The following CD81 variants were observed in gnomAD, a reference collection of about 807,000 sequenced individuals.
The protein encoded by CD81 is CD81 molecule.
A neutral mutation model predicts 30.1 loss-of-function variants in CD81; 10 were observed. The observed-to-expected ratio is 0.33, with a 90% CI of 0.21 to 0.56. The LOEUF (loss-of-function observed/expected upper bound fraction) is 0.56. Among genes scored for constraint, CD81 ranks in the 20% least tolerant of loss-of-function variants. The pLI, the probability that CD81 is intolerant of heterozygous loss-of-function variation, is 0.89. For missense variants in CD81, 263 were observed against 308.7 expected, an observed-to-expected ratio of 0.85 and a Z score of 1.11; for synonymous variants, 147 against 126.4, an observed-to-expected ratio of 1.16 and a Z score of -1.10.
intron 1 of CD81, chr11:2,385,935 G>T (rs1043220214): frequency 8.0e-5 from 54 of 675,898 alleles, no homozygotes; most frequent in Non-Finnish European, 1.4e-4. Flanking sequence ...GAGCAGCTGG[G>T]TCATGTGGTG....
intron 1 of CD81, chr11:2,379,030 G>T (rs1849652778): frequency 2.4e-6 from 1 of 408,886 alleles, no homozygotes; most frequent in Non-Finnish European, 5.1e-6. Context: ...GTGGCCTTCG[G>T]CACTGCCCTG....
exon 8 of CD81, chr11:2,397,396 T>TACCA (rs1418636325): frequency 5.1e-6 from 1 of 197,672 alleles, no homozygotes; most frequent in Non-Finnish European, 1.1e-5. Flanking sequence ...TCAGGCATGC[T>TACCA]ACCAGGCCTG....
chr11:2,394,857 C>A, intron 3 of CD81, 115 bp from the exon 4 acceptor site: 1 of 926,330 alleles, frequency 1.1e-6, no homozygotes. Context: ...AGGTCGTGGG[C>A]TGGTGGCTCC....
At chr11:2,376,267 G>A (rs971982278), upstream of CD81, 1 of 152,252 alleles carries the variant, frequency 6.6e-6, no homozygotes, top group Admixed American at 6.5e-5. Flanking sequence ...GTTGCAGAAG[G>A]TTCTATCAGC....
At position 2,377,796 on chromosome 11, in the gene CD81, G is replaced by A. The variant is rs1429499716; in HGVS notation, c.66+181G>A. 2 of 288,802 alleles carry A rather than the reference G, an allele frequency of 6.9e-6. No homozygotes were observed. The highest frequency in any genetic ancestry group is 1.1e-4 in the Admixed American group (2 of 17,770). The allele number at this position is 288,802 out of a possible 1,614,324, so 17.9% of individuals were successfully genotyped here. A position where few individuals can be genotyped will look rare whatever the true frequency, so the allele number is the denominator to read the frequency against. ...GGGGCCACCGCGCCCCCCGACATTG[G>A]GGCTGAGGGCTGCGAGCCGAGTTTC... On this transcript the variant is annotated intron_variant, in intron 1 of 7. Transcript: ENST00000263645. The surrounding 1 kb of genome is among the most constrained non-coding windows in gnomAD (Gnocchi z 7.7).
In CD81 at chr11:2,395,481, C is replaced by G; in HGVS notation, c.420C>G (p.Ala140=). 6.2e-7 allele frequency: 1 copy of G among 1,612,634 alleles called. No individual in the cohort carries two copies. Among genetic ancestry groups the G allele is most frequent in the Non-Finnish European group, 8.5e-7 (1 of 1,179,922 alleles). The change falls in exon 5 of 8, where the codon GCC becomes GCG. Residue 140 remains alanine, a synonymous_variant. Transcript: ENST00000263645. The stretch of plus-strand genomic sequence containing the variant: ...AGCAGGCCGTGGTGGATGATGACGC[C>G]AACAACGCCAAGGCTGTGGTGAAGA... ...ALQQAVVDDD[A]NNAKAVVKTF...
chr11:2,386,290 G>C (rs1277709982), intron 1 of CD81: 1 of 655,224 alleles, frequency 1.5e-6, no homozygotes, highest in Admixed American at 2.2e-5. Flanking sequence ...CTCTGCATAC[G>C]TTCAGGGCAC....
upstream of CD81, chr11:2,376,254 A>G (rs145114308): frequency 4.6e-5 from 7 of 152,300 alleles, no homozygotes; most frequent in African/African-American, 1.7e-4. Flanking sequence ...GAACATTCCC[A>G]TCGTTGCAGA....
intron 1 of CD81, among the ~76,000 whole-genome samples, chr11:2,384,973 T>A (rs1849764771): frequency 6.6e-6 from 1 of 152,074 alleles, no homozygotes. Context: ...TTAACTGACA[T>A]CGGGCTCCAT....
At position 2,396,952 on chromosome 11, in the gene CD81, T is replaced by C. The variant is rs997454117; in HGVS notation, c.*86T>C. 1.6e-6 allele frequency: 2 copies of C among 1,274,506 alleles called. No individual in the cohort carries two copies. The highest frequency in any genetic ancestry group is 1.2e-5 in the South Asian group (1 of 83,202). 78.9% of individuals were successfully genotyped at this position (1,274,506 alleles called of 1,614,324 possible). On this transcript the variant is annotated 3_prime_UTR_variant, in exon 8 of 8. Transcript: ENST00000263645. ...CGAGGGGGCCATCACCGCCTGTGTA[T>C]ATAACGTTTCCGGTATTACTCTGCT...
rs1434649531 is a variant in CD81 at position 2,377,344 on chromosome 11, G to T, written c.-206G>T. 12 of 150,220 alleles carry T rather than the reference G, an allele frequency of 8.0e-5. No homozygotes were observed. Among genetic ancestry groups the T allele is most frequent in the Admixed American group, 6.0e-4 (9 of 14,986 alleles). 9.3% of individuals were successfully genotyped at this position (150,220 alleles called of 1,614,324 possible). ...GCGAGCGCGCAACGGCGGCGACGGC[G>T]GCGACCCCACCGCGCATCCTGCCAG... On this transcript the variant is annotated 5_prime_UTR_variant, in exon 1 of 8. Transcript: ENST00000263645. The surrounding 1 kb of genome is among the most constrained non-coding windows in gnomAD (Gnocchi z 7.7).
At chr11:2,394,565 G>A (rs1237979808) in intron 3 of CD81, among the ~76,000 whole-genome samples, 1 of 152,170 alleles carries the variant, frequency 6.6e-6, no homozygotes, top group African/African-American at 2.4e-5. Context: ...TCTCCAGTGG[G>A]GGAAACTGAG....
At chr11:2,383,328 G>A (rs1849733618) in intron 1 of CD81, among the ~76,000 whole-genome samples, 1 of 152,108 alleles carries the variant, frequency 6.6e-6, no homozygotes, top group African/African-American at 2.4e-5. Flanking sequence ...GGAGGAGTCT[G>A]GCCCCGTCCC....
chr11:2,377,303 C>A (rs1190172101), upstream of CD81: 2 of 151,552 alleles, frequency 1.3e-5, no homozygotes, highest in Admixed American at 1.3e-4. This position sits in a 1 kb window ranked among gnomAD's most constrained non-coding sequence, Gnocchi z 7.7. Context: ...GAGCGAGGCG[C>A]GCGCCCGGCC....
chr11:2,383,951 G>T (rs1314581824), intron 1 of CD81, among the ~76,000 whole-genome samples: 1 of 152,180 alleles, frequency 6.6e-6, no homozygotes, highest in Non-Finnish European at 1.5e-5. Flanking sequence ...GCTGTCCGGG[G>T]CCTGCGGGGG....
chr11:2,392,707 C>T (rs1289494226), intron 2 of CD81: 2 of 152,448 alleles, frequency 1.3e-5, no homozygotes, highest in East Asian at 3.9e-4. Context: ...TTGCCAAGGG[C>T]TTTTTTTCCT....
chr11:2,396,665 G>T lies in CD81; in HGVS notation c.599G>T (p.Gly200Val). 6.2e-7 allele frequency: 1 copy of T among 1,611,858 alleles called. No individual in the cohort carries two copies. The highest frequency in any genetic ancestry group is 8.5e-7 in the Non-Finnish European group (1 of 1,180,002). ...CAGAAGATCGATGACCTCTTCTCCG[G>T]GAAGCTGTACCTCATCGGCATTGCT... ...CHQKIDDLFS[G>V]KLYLIGIAAI... The change falls in exon 7 of 8, where the codon GGG becomes GTG. Residue 200 changes from glycine to valine, a missense_variant. This residue lies in a region of CD81 where 176 missense variants were observed against 192.9 expected (regional missense o/e 0.91). Transcript: ENST00000263645.
intron 1 of CD81, among the ~76,000 whole-genome samples, chr11:2,384,322 G>A (rs535452193): frequency 7.9e-6 from 1 of 125,894 alleles, no homozygotes; most frequent in Non-Finnish European, 1.7e-5. Flanking sequence ...GGGAGGCGGG[G>A]TGTCTCGGGA....
chr11:2,388,949 G>A (rs989706506), intron 1 of CD81, among the ~76,000 whole-genome samples: 2 of 152,222 alleles, frequency 1.3e-5, no homozygotes, highest in African/African-American at 2.4e-5. Flanking sequence ...CTGCCTGAGG[G>A]CTGTGCACGG....
Sources: allele counts gnomAD v4.1 joint callset (sites outside exome capture counted in the v4.1 genomes callset), GRCh38; gene constraint gnomAD v4.1.1; regional missense constraint gnomAD v4.1.1; non-coding constraint Gnocchi (gnomAD v3.1); transcripts MANE v1.5; gene names NCBI Gene and HGNC (gene_info 2026-07-23, HGNC 2026-07-21).